Variants in MCPH1 observed in about 807,000 individuals in gnomAD.
MCPH1 encodes the protein microcephalin.
A neutral mutation model predicts 84.5 loss-of-function variants in MCPH1; 104 were observed. That is an observed-to-expected ratio of 1.23 (90% confidence interval 1.05 to 1.45). The LOEUF (loss-of-function observed/expected upper bound fraction) is 1.45. Among genes scored for constraint, MCPH1 ranks in the 40% most tolerant of loss-of-function variants. The pLI, the probability that MCPH1 is intolerant of heterozygous loss-of-function variation, is 0.00. For synonymous variants in MCPH1, 514 were observed against 366.8 expected (o/e 1.40, Z -4.58); for missense variants, 1,498 against 1,005.7 (o/e 1.49, Z -6.62).
At chr8:6,555,722 G>A (rs1184526751) in intron 12 of MCPH1, among the ~76,000 whole-genome samples, 4 of 152,054 alleles carry the variant, frequency 2.6e-5, no homozygotes, top group Non-Finnish European at 5.9e-5. Flanking sequence ...TTCGGCCTCC[G>A]AAAGTGCTGC....
Position 6,478,578 on chromosome 8 carries a change from GTGATA to G in MCPH1, c.1973+948_1973+952del, listed in dbSNP as rs550061653. Among the ~76,000 whole-genome samples, 169 of 152,096 alleles carry G rather than the reference GTGATA, an allele frequency of 1.1e-3. 5 individuals carry two copies. The South Asian group carries it at 0.033, about 30-fold the overall frequency. On this transcript the variant is annotated intron_variant, in intron 10 of 13. Coordinates refer to ENST00000344683, the MANE Select transcript of MCPH1 (RefSeq NM_024596.5). ...CTTTTTTTCTCCACATGGACTTCTT[GTGATA>G]CTTAAGAATAAGACCTGGACATTCT...
chr8:6,456,723 A>T (rs533769320), intron 9 of MCPH1, among the ~76,000 whole-genome samples: 18 of 150,844 alleles, frequency 1.2e-4, no homozygotes, highest in African/African-American at 4.4e-4. Flanking sequence ...CCATAAAAAT[A>T]CTCCGTCCTG....
intron 1 of MCPH1, chr8:6,407,051 C>G: frequency 2.9e-6 from 1 of 350,546 alleles, no homozygotes; most frequent in Non-Finnish European, 5.4e-6. Context: ...CCCCATGCTG[C>G]CTGTCCCCCA....
intron 11 of MCPH1, among the ~76,000 whole-genome samples, chr8:6,485,987 G>C (rs1809856603): frequency 6.6e-6 from 1 of 152,120 alleles, no homozygotes; most frequent in South Asian, 2.1e-4. Flanking sequence ...CAGTCTTCAA[G>C]AAGACAAAGA....
At chr8:6,410,770 T>A (rs1054004510) in intron 2 of MCPH1, among the ~76,000 whole-genome samples, 7 of 151,944 alleles carry the variant, frequency 4.6e-5, no homozygotes, top group Non-Finnish European at 1.0e-4. Context: ...ATCTAAGCTG[T>A]GGGGAAAAAT....
intron 12 of MCPH1, among the ~76,000 whole-genome samples, chr8:6,615,422 C>G (rs768368818): frequency 2.0e-5 from 3 of 152,186 alleles, no homozygotes; most frequent in Admixed American, 6.5e-5. Context: ...GTTCACTTAA[C>G]GACACAACGA....
At chr8:6,627,050 A>G (rs1796778983) in intron 13 of MCPH1, 1 of 985,022 alleles carries the variant, frequency 1.0e-6, no homozygotes, top group Non-Finnish European at 1.2e-6. Context: ...TTTGGTTTGA[A>G]CATGTCCCAT....
chr8:6,567,663 C>T (rs2442548), intron 12 of MCPH1, among the ~76,000 whole-genome samples: 1 of 151,958 alleles, frequency 6.6e-6, no homozygotes, highest in Non-Finnish European at 1.5e-5. Context: ...AATGGGAGGC[C>T]CTTGAAGGCA....
At chr8:6,610,217 G>A (rs1830145520) in intron 12 of MCPH1, among the ~76,000 whole-genome samples, 1 of 152,186 alleles carries the variant, frequency 6.6e-6, no homozygotes, top group Admixed American at 6.5e-5. Context: ...GGGCTGGGTT[G>A]CCACTGAGCC....
At chr8:6,415,370 C>T (rs1276248415) in intron 3 of MCPH1, among the ~76,000 whole-genome samples, 1 of 150,984 alleles carries the variant, frequency 6.6e-6, no homozygotes, top group African/African-American at 2.4e-5. Flanking sequence ...TCACTGCAGC[C>T]TCAGCCTCCT....
In MCPH1 at chr8:6,444,620, A is replaced by G. The variant is rs587783743; in HGVS notation, c.898A>G (p.Ile300Val). The G allele has an allele frequency of 5.1e-5, 83 of 1,614,122 alleles. 1 individual carries two copies. The South Asian group carries it at 7.8e-4, about 15-fold the overall frequency. Residue 300 changes from isoleucine to valine, a missense_variant, in exon 8 of 14, where the codon ATA (isoleucine) becomes GTA (valine). Ile to Val is a conservative substitution (Grantham distance 29, BLOSUM62 3). Transcript: ENST00000344683. ...TCTGAGTAATCTTTCAAAGGAAGAA[A>G]TAAACTTGCAAAGAAATATTGCAGG... ...KFLSNLSKEEINLQRNIAGKV... is the reference protein window; with the variant it reads ...KFLSNLSKEEVNLQRNIAGKV...
intron 13 of MCPH1, among the ~76,000 whole-genome samples, chr8:6,641,634 C>A (rs1370327093): frequency 1.3e-5 from 2 of 152,148 alleles, no homozygotes; most frequent in Admixed American, 6.5e-5. Flanking sequence ...GTCCCGGCTA[C>A]CTGGGAAGCT....
At chr8:6,496,134 G>T (rs961503776) in intron 11 of MCPH1, among the ~76,000 whole-genome samples, 2 of 152,270 alleles carry the variant, frequency 1.3e-5, no homozygotes, top group African/African-American at 2.4e-5. Context: ...TGTAAAATCA[G>T]TGGGAGCCCT....
At chr8:6,519,981 G>A in intron 12 of MCPH1, 1 of 1,613,970 alleles carries the variant, frequency 6.2e-7, no homozygotes, top group African/African-American at 1.3e-5. Context: ...TAGCAACAGT[G>A]GGGTCCTTAG....
At chr8:6,412,707 A>G (rs1217329840) in intron 2 of MCPH1, among the ~76,000 whole-genome samples, 1 of 152,176 alleles carries the variant, frequency 6.6e-6, no homozygotes, top group Non-Finnish European at 1.5e-5. Context: ...TTGTGGGAAG[A>G]TGGTCTCAAA....
chr8:6,426,515 G>A (rs1428865484), intron 3 of MCPH1, among the ~76,000 whole-genome samples: 1 of 152,254 alleles, frequency 6.6e-6, no homozygotes, highest in Non-Finnish European at 1.5e-5. Context: ...GTTTGTAGCA[G>A]TGGTTTCACT....
intron 3 of MCPH1, among the ~76,000 whole-genome samples, chr8:6,426,862 A>T (rs771477696): frequency 6.6e-6 from 1 of 152,082 alleles, no homozygotes; most frequent in Non-Finnish European, 1.5e-5. Context: ...GATCTAATTC[A>T]TATGCTACAC....
intron 7 of MCPH1, among the ~76,000 whole-genome samples, chr8:6,442,516 C>T (rs142527493): frequency 1.3e-5 from 2 of 152,186 alleles, no homozygotes; most frequent in East Asian, 1.9e-4. Context: ...ACACAAGGAA[C>T]CTGTTATTGA....
At chr8:6,587,508 C>T (rs577234940) in intron 12 of MCPH1, among the ~76,000 whole-genome samples, 3 of 152,314 alleles carry the variant, frequency 2.0e-5, no homozygotes, top group African/African-American at 7.2e-5. Context: ...CACTGTTTCT[C>T]GTCTGGTGAT....
Sources: allele counts gnomAD v4.1 joint callset (sites outside exome capture counted in the v4.1 genomes callset), GRCh38; gene constraint gnomAD v4.1.1; transcripts MANE v1.5; gene names NCBI Gene and HGNC (gene_info 2026-07-23, HGNC 2026-07-21).